The following NKAIN2 variants were observed in gnomAD, a reference collection of about 807,000 sequenced individuals.
The protein encoded by NKAIN2 is sodium/potassium-transporting ATPase subunit beta-1-interacting protein 2.
A neutral mutation model predicts 32.6 loss-of-function variants in NKAIN2; 14 were observed. That is an observed-to-expected ratio of 0.43 (90% CI 0.28 to 0.67). The LOEUF (loss-of-function observed/expected upper bound fraction) is 0.67. NKAIN2 is among the 30% of genes least tolerant of loss of function. The pLI, the probability that NKAIN2 is intolerant of heterozygous loss-of-function variation, is 0.17. For missense variants in NKAIN2, 198 were observed against 258.3 expected (o/e 0.77, Z 1.60); for synonymous variants, 80 against 87.2 (o/e 0.92, Z 0.46).
intron 1 of NKAIN2, among the ~76,000 whole-genome samples, chr6:123,863,262 A>C (rs576372508): frequency 6.6e-6 from 1 of 152,324 alleles, no homozygotes; most frequent in South Asian, 2.1e-4. Flanking sequence ...TAATTTGGTA[A>C]ATGTAGAGTC....
intron 2 of NKAIN2, among the ~76,000 whole-genome samples, chr6:124,302,485 G>A (rs1310977566): frequency 6.6e-6 from 1 of 152,018 alleles, no homozygotes; most frequent in African/African-American, 2.4e-5. Flanking sequence ...TAATTTTTGA[G>A]TATGCTAATA....
At chr6:124,148,997 C>G (rs549912461) in intron 1 of NKAIN2, among the ~76,000 whole-genome samples, 15 of 152,020 alleles carry the variant, frequency 9.9e-5, no homozygotes, top group Non-Finnish European at 1.8e-4. Flanking sequence ...TTATTATAGC[C>G]AAACTAGTAG....
At chr6:124,073,624 TAA>T (rs1783558019) in intron 1 of NKAIN2, among the ~76,000 whole-genome samples, 1 of 152,108 alleles carries the variant, frequency 6.6e-6, no homozygotes, top group Non-Finnish European at 1.5e-5. Context: ...ATTTTAAAGT[TAA>T]AGTCATTAAT....
intron 1 of NKAIN2, among the ~76,000 whole-genome samples, chr6:124,152,615 A>G (rs1787787868): frequency 6.6e-6 from 1 of 151,994 alleles, no homozygotes; most frequent in South Asian, 2.1e-4. Flanking sequence ...GTTCTTCAAA[A>G]AACTGGAAAT....
chr6:124,121,817 G>A (rs940965107), intron 1 of NKAIN2: 5 of 432,824 alleles, frequency 1.2e-5, no homozygotes, highest in South Asian at 9.9e-5. Flanking sequence ...ATTAGTTGGG[G>A]TTGCCTTTAA....
chr6:124,483,103 C>T (rs1359280692), intron 3 of NKAIN2, among the ~76,000 whole-genome samples: 1 of 150,950 alleles, frequency 6.6e-6, no homozygotes, highest in African/African-American at 2.4e-5. Flanking sequence ...GCCTGGACGA[C>T]AGAGACTGTG....
chr6:124,444,366 G>A (rs976453573), intron 3 of NKAIN2, among the ~76,000 whole-genome samples: 8 of 151,996 alleles, frequency 5.3e-5, no homozygotes, highest in Admixed American at 5.3e-4. Flanking sequence ...ATGGCACACA[G>A]ATTTGATTCT....
chr6:124,259,060 TG>T (rs1794094130), intron 1 of NKAIN2, among the ~76,000 whole-genome samples: 1 of 151,840 alleles, frequency 6.6e-6, no homozygotes, highest in Admixed American at 6.6e-5. Context: ...TGCATGGAGG[TG>T]GTTACTGAGG....
At chr6:124,397,556 G>T (rs1165585825) in intron 3 of NKAIN2, among the ~76,000 whole-genome samples, 1 of 149,626 alleles carries the variant, frequency 6.7e-6, no homozygotes, top group East Asian at 2.0e-4. Context: ...AACCAGGTTT[G>T]CATTAAGCCA....
rs148451431 is a variant in NKAIN2 at position 124,346,036 on chromosome 6, T to G, written c.193-9231T>G. Among the ~76,000 whole-genome samples the G allele has an allele frequency of 8.3e-4, 126 of 152,306 alleles. 1 individual carries two copies. In the East Asian group the frequency reaches 0.022, roughly 27 times the overall value. ...CCTAGAGATTGTGGTATGTTGTGTC[T>G]TTGTTCTCGTTGGTTTCAAAGAGCA... On this transcript the variant is annotated intron_variant, in intron 2 of 6. Transcript: ENST00000368417.
At chr6:124,324,103 T>G (rs966704722) in intron 2 of NKAIN2, among the ~76,000 whole-genome samples, 3 of 152,142 alleles carry the variant, frequency 2.0e-5, no homozygotes, top group Non-Finnish European at 4.4e-5. Context: ...CTTCTAACTT[T>G]CTGTAAAAAT....
chr6:124,816,491 G>A (rs1002595536), intron 5 of NKAIN2, among the ~76,000 whole-genome samples: 2 of 152,124 alleles, frequency 1.3e-5, no homozygotes, highest in South Asian at 4.1e-4. Context: ...TCTAGTGTAG[G>A]CTATTCATAG....
At chr6:124,032,746 A>C (rs940733397) in intron 1 of NKAIN2, among the ~76,000 whole-genome samples, 8 of 152,126 alleles carry the variant, frequency 5.3e-5, no homozygotes, top group Admixed American at 3.9e-4. Flanking sequence ...CCAATTAAAA[A>C]AATTAAAAAT....
intron 3 of NKAIN2, among the ~76,000 whole-genome samples, chr6:124,653,895 A>G (rs1001896723): frequency 6.6e-6 from 1 of 152,174 alleles, no homozygotes; most frequent in African/African-American, 2.4e-5. Context: ...TGAGCCAAAG[A>G]TCTTAGCAGA....
intron 1 of NKAIN2, among the ~76,000 whole-genome samples, chr6:124,016,079 A>G (rs566770747): frequency 7.9e-4 from 120 of 152,266 alleles, no homozygotes; most frequent in African/African-American, 2.8e-3. Flanking sequence ...CTATTTAAAC[A>G]TTATAAGGCA....
intron 4 of NKAIN2, among the ~76,000 whole-genome samples, chr6:124,736,808 T>A (rs1208014885): frequency 6.6e-6 from 1 of 151,924 alleles, no homozygotes; most frequent in Admixed American, 6.6e-5. Flanking sequence ...AGAGCTCTGA[T>A]GGAGATGTTA....
At chr6:124,682,358 C>G (rs527280457) in intron 4 of NKAIN2, among the ~76,000 whole-genome samples, 1 of 152,146 alleles carries the variant, frequency 6.6e-6, no homozygotes, top group South Asian at 2.1e-4. Flanking sequence ...GATGCTGGCA[C>G]TATATAATTG....
At chr6:124,681,890 A>G (rs187658546) in intron 4 of NKAIN2, among the ~76,000 whole-genome samples, 12 of 152,172 alleles carry the variant, frequency 7.9e-5, no homozygotes, top group African/African-American at 2.9e-4. Context: ...TTAAATGCAG[A>G]ACTGATACCT....
chr6:124,518,027 A>G (rs572725467), intron 3 of NKAIN2, among the ~76,000 whole-genome samples: 21 of 152,258 alleles, frequency 1.4e-4, no homozygotes, highest in African/African-American at 3.1e-4. Context: ...CATTTATTTT[A>G]GGATTTCAAT....
Sources: gnomAD v4.1 joint callset for allele counts (sites outside exome capture counted in the v4.1 genomes callset) on GRCh38, gnomAD v4.1.1 for gene constraint, MANE v1.5 for transcripts, NCBI Gene and HGNC (gene_info 2026-07-23, HGNC 2026-07-21) for gene names.